FMNL3: variants seen among roughly 807,000 people sequenced by gnomAD.
FMNL3 encodes the protein formin-like protein 3.
Under a neutral mutation model 119.6 loss-of-function variants are expected in FMNL3, and 57 were observed. The ratio of observed to expected loss-of-function variants is 0.48; its 90% CI spans 0.39 to 0.59. The LOEUF (loss-of-function observed/expected upper bound fraction) is 0.59. FMNL3 is among the 20% of genes least tolerant of loss of function. The pLI is 0.00. For missense variants in FMNL3, 1,053 were observed against 1,323.5 expected (o/e 0.80, Z 3.17); for synonymous variants, 491 against 507.3 (o/e 0.97, Z 0.43).
intron 17 of FMNL3, among the ~76,000 whole-genome samples, chr12:49,650,140 A>G (rs530398843): frequency 6.6e-6 from 1 of 152,276 alleles, no homozygotes; most frequent in East Asian, 1.9e-4. Flanking sequence ...ATGTACTCCC[A>G]CTGTACCTAG....
Position 49,645,778 on chromosome 12 carries a change from C to T in FMNL3, c.*37G>A. 6.4e-7 allele frequency: 1 copy of T among 1,567,676 alleles called. No homozygotes were observed. Among genetic ancestry groups the T allele is most frequent in the Non-Finnish European group, 8.7e-7 (1 of 1,153,184 alleles). On this transcript the variant is annotated 3_prime_UTR_variant, in exon 26 of 26. Coordinates refer to ENST00000335154, the MANE Select transcript of FMNL3 (RefSeq NM_175736.5). ...AGGTCCACTGGTTGGACTTGTAGGA[C>T]TCTGAGGGGTGAAGTGCTTCTGCCT...
At chr12:49,651,831 T>C in intron 14 of FMNL3, 102 bp downstream of exon 14, 1 of 1,448,678 alleles carries the variant, frequency 6.9e-7, no homozygotes, top group Non-Finnish European at 9.1e-7. Flanking sequence ...CCTCAGATAA[T>C]GCCATTTTCC....
intron 1 of FMNL3, among the ~76,000 whole-genome samples, chr12:49,670,288 C>A (rs1944009389): frequency 6.6e-6 from 1 of 152,216 alleles, no homozygotes; most frequent in Admixed American, 6.5e-5. Flanking sequence ...AAAAGAAAAT[C>A]CCAAACATTT....
At chr12:49,656,772 T>A in intron 8 of FMNL3, 51 bp downstream of exon 8, 2 of 1,521,024 alleles carry the variant, frequency 1.3e-6, no homozygotes, top group African/African-American at 1.4e-5. Context: ...GGAGTACAGA[T>A]CTCCAGAGCC....
Position 49,679,519 on chromosome 12 carries a change from CTTTTTTTTTTTTT to C in FMNL3, c.127-10978_127-10966del, listed in dbSNP as rs551320921. Among the ~76,000 whole-genome samples the C allele has an allele frequency of 8.4e-3, 761 of 90,674 alleles. 1 individual carries two copies. Among genetic ancestry groups the C allele is most frequent in the African/African-American group, 0.034 (726 of 21,472 alleles). The allele number at this position is 90,674 out of a possible 152,430, so 59.5% of individuals were successfully genotyped here. A position where few individuals can be genotyped will look rare whatever the true frequency, so the allele number is the denominator to read the frequency against. On this transcript the variant is annotated intron_variant, in intron 1 of 25. Transcript: ENST00000335154. ...ATCATTCTTGGAACAGCATTTGTGT[CTTTTTTTTTTTTT>C]TTTTTTTTTTTTGAGACAGGGTCTC...
intron 1 of FMNL3, among the ~76,000 whole-genome samples, chr12:49,679,735 G>C (rs117077052): frequency 0.047 from 7,217 of 152,004 alleles, 253 homozygotes; most frequent in Non-Finnish European, 0.074. Context: ...TGTCCAGGCT[G>C]GTCTCGAGCT....
Position 49,642,653 on chromosome 12 carries a change from G to T in FMNL3, c.*3162C>A. The T allele has an allele frequency of 6.2e-7, 1 of 1,614,074 alleles. No individual in the cohort carries two copies. Among genetic ancestry groups the T allele is most frequent in the Non-Finnish European group, 8.5e-7 (1 of 1,179,992 alleles). ...GAGTCGGAGCGGATCCGGCTCTTCC[G>T]GGAGTTCCTACAGGTGCTGGAGGTG... On this transcript the variant is annotated 3_prime_UTR_variant, in exon 26 of 26. Coordinates refer to ENST00000335154, the MANE Select transcript of FMNL3 (RefSeq NM_175736.5). The surrounding 1 kb of genome is among the most constrained non-coding windows in gnomAD (Gnocchi z 5.8).
At chr12:49,687,536 T>C (rs1944498297) in intron 1 of FMNL3, among the ~76,000 whole-genome samples, 1 of 152,178 alleles carries the variant, frequency 6.6e-6, no homozygotes, top group Non-Finnish European at 1.5e-5. Flanking sequence ...AATGACCATC[T>C]ATCTCTTTAT....
chr12:49,659,811 C>G (rs1943680318), intron 5 of FMNL3: 2 of 985,404 alleles, frequency 2.0e-6, no homozygotes, highest in Non-Finnish European at 2.4e-6. Flanking sequence ...TCAGGATATA[C>G]CCCTCTGAGA....
Position 49,636,818 on chromosome 12 carries a change from G to A in FMNL3, c.*8997C>T, listed in dbSNP as rs148146841. On this transcript the variant is annotated 3_prime_UTR_variant, in exon 26 of 26. Coordinates refer to ENST00000335154, the MANE Select transcript of FMNL3 (RefSeq NM_175736.5). Reference sequence around the variant, plus strand: ...GAGCGGGCCCGGCTTCGGGAGCGACGCCAACAACGCAAGAATCGGGAGGCC... The same window carrying A: ...GAGCGGGCCCGGCTTCGGGAGCGACACCAACAACGCAAGAATCGGGAGGCC... The A allele has an allele frequency of 2.0e-5, 33 of 1,614,012 alleles. No homozygotes were observed. Among genetic ancestry groups the A allele is most frequent in the South Asian group, 4.4e-5 (4 of 91,082 alleles).
In FMNL3 at chr12:49,636,785, A is replaced by T. The variant is rs981786077; in HGVS notation, c.*9030T>A. 2 of 1,614,096 alleles carry T rather than the reference A, an allele frequency of 1.2e-6. No individual in the cohort carries two copies. Among genetic ancestry groups the T allele is most frequent in the African/African-American group, 2.7e-5 (2 of 74,930 alleles). ...CGAGCTTTGGAGAGGGAAGAGGAGG[A>T]GGAACGGGAGCGGGCCCGGCTTCGG... On this transcript the variant is annotated 3_prime_UTR_variant, in exon 26 of 26. Transcript: ENST00000335154.
intron 25 of FMNL3, 75 bp downstream of exon 25, chr12:49,646,811 G>A: frequency 2.5e-6 from 4 of 1,602,346 alleles, no homozygotes; most frequent in Non-Finnish European, 3.4e-6. Flanking sequence ...GGTGGGAGGA[G>A]AGCCCAAAGG....
chr12:49,682,739 C>T (rs574916832), intron 1 of FMNL3, among the ~76,000 whole-genome samples: 1 of 152,286 alleles, frequency 6.6e-6, no homozygotes, highest in South Asian at 2.1e-4. Context: ...TCCCTCATCT[C>T]ATGTGATCTA....
At chr12:49,650,475 T>C (rs537423482) in intron 17 of FMNL3, among the ~76,000 whole-genome samples, 7 of 152,316 alleles carry the variant, frequency 4.6e-5, no homozygotes, top group African/African-American at 1.7e-4. Context: ...CTGTTCCCAA[T>C]AGACTGAGAG....
chr12:49,686,404 A>G (rs1944460408), intron 1 of FMNL3, among the ~76,000 whole-genome samples: 1 of 151,476 alleles, frequency 6.6e-6, no homozygotes, highest in South Asian at 2.1e-4. Flanking sequence ...ACACAGTGAA[A>G]CCCTGTCTCT....
chr12:49,646,720 G>A, intron 25 of FMNL3, 166 bp downstream of exon 25: 1 of 1,552,982 alleles, frequency 6.4e-7, no homozygotes, highest in Non-Finnish European at 8.7e-7. Context: ...GCCCCGCTTG[G>A]CAGTACGGGC....
intron 1 of FMNL3, among the ~76,000 whole-genome samples, chr12:49,701,540 CAG>C (rs774019098): frequency 9.2e-5 from 14 of 152,134 alleles, no homozygotes; most frequent in Non-Finnish European, 2.1e-4. Context: ...TGATGACAAA[CAG>C]AAGCAAAAAA....
intron 1 of FMNL3, among the ~76,000 whole-genome samples, chr12:49,679,236 T>C (rs1405580216): frequency 3.3e-5 from 5 of 152,200 alleles, no homozygotes; most frequent in Admixed American, 2.0e-4. Flanking sequence ...AAAGCAAGCA[T>C]ACGGTGGATC....
intron 1 of FMNL3, among the ~76,000 whole-genome samples, chr12:49,672,942 G>A (rs1483349586): frequency 1.3e-5 from 2 of 152,212 alleles, no homozygotes; most frequent in Non-Finnish European, 2.9e-5. Flanking sequence ...GCATAGCTTC[G>A]AGAGACAGGG....
Sources: gnomAD v4.1 joint callset for allele counts (sites outside exome capture counted in the v4.1 genomes callset) on GRCh38, gnomAD v4.1.1 for gene constraint, Gnocchi (gnomAD v3.1) non-coding constraint, MANE v1.5 for transcripts, NCBI Gene and HGNC (gene_info 2026-07-23, HGNC 2026-07-21) for gene names.